Variants in RPS6KA4 observed in about 807,000 individuals in gnomAD.
RPS6KA4 encodes the protein ribosomal protein S6 kinase alpha-4.
A neutral mutation model predicts 89.6 loss-of-function variants in RPS6KA4; 38 were observed. The observed-to-expected ratio is 0.42, with a 90% CI of 0.33 to 0.56. RPS6KA4 has a LOEUF of 0.56. Among genes scored for constraint, RPS6KA4 ranks in the 20% least tolerant of loss-of-function variants. RPS6KA4 has a pLI of 0.07. For synonymous variants in RPS6KA4, 495 were observed against 492.8 expected (o/e 1.00, Z -0.06); for missense variants, 873 against 1,098.8 (o/e 0.79, Z 2.90).
chr11:64,370,318 G>C lies in RPS6KA4; in HGVS notation c.1891G>C (p.Gly631Arg). The C allele has an allele frequency of 1.3e-6, 2 of 1,596,580 alleles. No homozygotes were observed. Among genetic ancestry groups the C allele is most frequent in the Non-Finnish European group, 1.7e-6 (2 of 1,175,312 alleles). ...AAEIMCKIRE[G>R]RFSLDGEAWQ... ...CGAGATCATGTGCAAAATCCGCGAG[G>C]GGCGCTTCTCCCTTGACGGGGAGGC... The change falls in exon 15 of 17, where the codon GGG (glycine) becomes CGG (arginine). Residue 631 changes from glycine to arginine, a missense_variant. Gly to Arg is a moderately radical substitution (Grantham distance 125, BLOSUM62 -2). This residue lies in a region of RPS6KA4 where 278 missense variants were observed against 284.8 expected (regional missense o/e 0.98). Transcript: ENST00000334205. The surrounding 1 kb of genome is among the most constrained non-coding windows in gnomAD (Gnocchi z 4.1).
chr11:64,370,504 T>C lies in RPS6KA4; in HGVS notation c.1958-59T>C. On this transcript the variant is annotated intron_variant, in intron 15 of 16. Transcript: ENST00000334205. This position sits in a 1 kb window ranked among gnomAD's most constrained non-coding sequence, Gnocchi z 4.1. ...GGAGGAGAGTGGGGCTGTTACGATC[T>C]CTTTGGGGCTCAGCCTTTACGCCAG... The C allele has an allele frequency of 6.3e-7, 1 of 1,592,548 alleles. No individual in the cohort carries two copies. The highest frequency in any genetic ancestry group is 8.6e-7 in the Non-Finnish European group (1 of 1,169,120).
chr11:64,360,080 T>A (rs1433477009), intron 2 of RPS6KA4, 83 bp from the exon 3 acceptor site: 2 of 1,311,524 alleles, frequency 1.5e-6, no homozygotes, highest in African/African-American at 3.0e-5. Context: ...CACACCCTCC[T>A]GGGTTGGCAT....
Position 64,369,438 on chromosome 11 carries a change from G to A in RPS6KA4, c.1429-8G>A, listed in dbSNP as rs1251886568. 4 of 1,586,184 alleles carry A rather than the reference G, an allele frequency of 2.5e-6. No homozygotes were observed. The highest frequency in any genetic ancestry group is 2.6e-6 in the Non-Finnish European group (3 of 1,168,842). Reference sequence around the variant, plus strand: ...GGTGTTGACCTTGGCCCGCCACGCCGCCCGCAGCTGCACACGTACCTGGTC... The same window carrying A: ...GGTGTTGACCTTGGCCCGCCACGCCACCCGCAGCTGCACACGTACCTGGTC... On this transcript the variant is annotated splice_polypyrimidine_tract_variant and splice_region_variant and intron_variant, in intron 12 of 16. Coordinates refer to ENST00000334205, the MANE Select transcript of RPS6KA4 (RefSeq NM_003942.3).
chr11:64,360,877 C>T, intron 4 of RPS6KA4: 2 of 572,074 alleles, frequency 3.5e-6, no homozygotes, highest in Non-Finnish European at 3.1e-6. Flanking sequence ...CGGCCTGGCT[C>T]CTAAGGCCTC....
At position 64,361,278 on chromosome 11, in the gene RPS6KA4, C is replaced by T; in HGVS notation, c.570+37C>T. 6.4e-7 allele frequency: 1 copy of T among 1,566,544 alleles called. No homozygotes were observed. The highest frequency in any genetic ancestry group is 1.1e-5 in the South Asian group (1 of 89,754). On this transcript the variant is annotated intron_variant, in intron 5 of 16. Coordinates refer to ENST00000334205, the MANE Select transcript of RPS6KA4 (RefSeq NM_003942.3). The surrounding 1 kb of genome is among the most constrained non-coding windows in gnomAD (Gnocchi z 4.7). ...CCACCTCTGCCTGCAGTGCCCCATT[C>T]AATCCTTCTCCTTCCTGCCTCTTCC...
Position 64,371,777 on chromosome 11 carries a change from A to C in RPS6KA4, c.*297A>C, listed in dbSNP as rs895998189. The stretch of plus-strand genomic sequence containing the variant: ...CCTCCAGGGGGACTGCTCCAACAGG[A>C]AAGAGCCCCTCCCCCACTTCTAAGC... On this transcript the variant is annotated 3_prime_UTR_variant, in exon 17 of 17. Transcript: ENST00000334205. 1.9e-5 allele frequency: 6 copies of C among 310,650 alleles called. No individual in the cohort carries two copies. The highest frequency in any genetic ancestry group is 8.7e-5 in the African/African-American group (4 of 45,724). 19.2% of individuals were successfully genotyped at this position (310,650 alleles called of 1,614,324 possible).
chr11:64,363,638 C>T (rs1055795493), intron 8 of RPS6KA4, among the ~76,000 whole-genome samples: 4 of 151,946 alleles, frequency 2.6e-5, no homozygotes, highest in East Asian at 1.9e-4. Flanking sequence ...ATTACAGGTG[C>T]GCACCATCAT....
At position 64,361,235 on chromosome 11, in the gene RPS6KA4, G is replaced by C; in HGVS notation, c.564G>C (p.Thr188=). 1 of 1,613,060 alleles carries C rather than the reference G, an allele frequency of 6.2e-7. No individual in the cohort carries two copies. The highest frequency in any genetic ancestry group is 8.5e-7 in the Non-Finnish European group (1 of 1,179,752). Residue 188 remains threonine (T), a synonymous_variant, in exon 5 of 17, where the codon ACG becomes ACC. Coordinates refer to ENST00000334205, the MANE Select transcript of RPS6KA4 (RefSeq NM_003942.3). This position sits in a 1 kb window ranked among gnomAD's most constrained non-coding sequence, Gnocchi z 4.7. ...TDFGLSKEFL[T]EEKERTFSFC... is the part of the protein sequence containing the mutation. ...TCGGGCTGAGCAAGGAGTTCCTGAC[G>C]GAGGAGGTGAGTGGAGGCCACCTCT... is the stretch of plus-strand genomic sequence containing the variant.
intron 8 of RPS6KA4, among the ~76,000 whole-genome samples, chr11:64,363,783 C>T (rs541983251): frequency 1.1e-4 from 16 of 152,160 alleles, no homozygotes; most frequent in Admixed American, 2.0e-4. Context: ...TGAGCCACCA[C>T]GCCTGGCCTC....
At chr11:64,371,226 G>T in intron 16 of RPS6KA4, 57 bp from the exon 17 acceptor site, 2 of 1,564,156 alleles carry the variant, frequency 1.3e-6, no homozygotes, top group East Asian at 2.3e-5. Context: ...GGTCAAACTA[G>T]ATCTGGAAGC....
intron 10 of RPS6KA4, 37 bp from the exon 11 acceptor site, chr11:64,368,431 G>C: frequency 1.3e-6 from 2 of 1,543,380 alleles, no homozygotes; most frequent in Non-Finnish European, 1.7e-6. Flanking sequence ...GACCTCTGAC[G>C]CGCCGCCTTC....
At chr11:64,365,577 A>G in intron 9 of RPS6KA4, 112 bp downstream of exon 9, 1 of 1,219,314 alleles carries the variant, frequency 8.2e-7, no homozygotes, top group Non-Finnish European at 1.1e-6. Context: ...ATTGGGACTC[A>G]GCGTCTCCCC....
In RPS6KA4 at chr11:64,370,399, G is replaced by A; in HGVS notation, c.1957+15G>A. On this transcript the variant is annotated intron_variant, in intron 15 of 16. Transcript: ENST00000334205. The surrounding 1 kb of genome is among the most constrained non-coding windows in gnomAD (Gnocchi z 4.1). ...GCTGGTCCGAGGTGCGGAGCTGGAG[G>A]TCATAGACCATGGTTGGGGAGGGGG... is the stretch of plus-strand genomic sequence containing the variant. The A allele has an allele frequency of 1.2e-6, 2 of 1,610,430 alleles. No homozygotes were observed. The highest frequency in any genetic ancestry group is 1.7e-6 in the Non-Finnish European group (2 of 1,178,872).
In RPS6KA4 at chr11:64,360,473, C is replaced by G; in HGVS notation, c.347-4C>G. ...TGCTTCCTGACTTCCACTGCACCTC[C>G]CAGACTATGTGAGCGGCGGGGAGAT... On this transcript the variant is annotated splice_polypyrimidine_tract_variant and splice_region_variant and intron_variant, in intron 3 of 16. Coordinates refer to ENST00000334205, the MANE Select transcript of RPS6KA4 (RefSeq NM_003942.3). 1 of 1,611,006 alleles carries G rather than the reference C, an allele frequency of 6.2e-7. No homozygotes were observed. The highest frequency in any genetic ancestry group is 1.3e-5 in the African/African-American group (1 of 74,950).
In RPS6KA4 at chr11:64,365,362, G is replaced by T. The variant is rs752611628; in HGVS notation, c.968G>T (p.Arg323Leu). The change falls in exon 9 of 17, where the codon CGC becomes CTC. Residue 323 changes from arginine to leucine, a missense_variant. Coordinates refer to ENST00000334205, the MANE Select transcript of RPS6KA4 (RefSeq NM_003942.3). Reference protein sequence around the residue: ...KIPAPFRPQIRSELDVGNFAE... With the variant: ...KIPAPFRPQILSELDVGNFAE... ...CCAGCCCCATTCCGGCCCCAAATCC[G>T]CTCAGAGCTGGATGTGGGCAACTTT... is the stretch of plus-strand genomic sequence containing the variant. 1.2e-6 allele frequency: 2 copies of T among 1,614,018 alleles called. No homozygotes were observed. The highest frequency in any genetic ancestry group is 4.5e-5 in the East Asian group (2 of 44,870).
At chr11:64,368,367 G>A in intron 10 of RPS6KA4, 101 bp from the exon 11 acceptor site, 1 of 1,545,666 alleles carries the variant, frequency 6.5e-7, no homozygotes, top group African/African-American at 1.4e-5. Flanking sequence ...AGCTCAGCAA[G>A]GTCCTAAGCC....
At chr11:64,359,693 C>G (rs768299168) in intron 2 of RPS6KA4, 42 of 567,830 alleles carry the variant, frequency 7.4e-5, no homozygotes, top group Non-Finnish European at 6.9e-5. Context: ...TGCCAACACC[C>G]TGGGGAGGGG....
intron 2 of RPS6KA4, chr11:64,359,772 A>C (rs2036691407): frequency 5.8e-6 from 3 of 520,358 alleles, no homozygotes; most frequent in South Asian, 2.5e-5. Flanking sequence ...CCCCTCCCAC[A>C]TTTTGCAAAT....
rs1015134229 is a variant in RPS6KA4, at chr11:64,370,910, C to T, written c.2121+184C>T. Among the ~76,000 whole-genome samples, 1 of 151,878 alleles carries T rather than the reference C, an allele frequency of 6.6e-6. No homozygotes were observed. The highest frequency in any genetic ancestry group is 1.5e-5 in the Non-Finnish European group (1 of 67,964). On this transcript the variant is annotated intron_variant, in intron 16 of 16. Transcript: ENST00000334205. The surrounding 1 kb of genome is among the most constrained non-coding windows in gnomAD (Gnocchi z 4.1). ...CACGAGGTCAGGGGTTCGAGACCAG[C>T]CTGAACAACATGGTGAAACCCCGTC... is the stretch of plus-strand genomic sequence containing the variant.
Sources: allele counts gnomAD v4.1 joint callset (sites outside exome capture counted in the v4.1 genomes callset), GRCh38; gene constraint gnomAD v4.1.1; regional missense constraint gnomAD v4.1.1; non-coding constraint Gnocchi (gnomAD v3.1); transcripts MANE v1.5; gene names NCBI Gene and HGNC (gene_info 2026-07-23, HGNC 2026-07-21).